UQCRQ: variants seen among roughly 807,000 people sequenced by gnomAD.
UQCRQ encodes the protein cytochrome b-c1 complex subunit 8.
Under a neutral mutation model 7.9 loss-of-function variants are expected in UQCRQ, and 9 were observed. The ratio of observed to expected loss-of-function variants is 1.13; its 90% CI spans 0.68 to 1.98. The LOEUF is 1.98. Among genes scored for constraint, UQCRQ ranks in the 30% most tolerant of loss-of-function variants. The pLI, the probability that UQCRQ is intolerant of heterozygous loss-of-function variation, is 0.00. For synonymous variants in UQCRQ, 50 were observed against 41.9 expected (o/e 1.19, Z -0.75); for missense variants, 112 against 109.7 (o/e 1.02, Z -0.10).
At chr5:132,867,261 C>T (rs1436417580) in intron 2 of UQCRQ, 2 of 720,304 alleles carry the variant, frequency 2.8e-6, no homozygotes, top group Non-Finnish European at 4.5e-6. Flanking sequence ...CAAGGTCACT[C>T]GGGTGATTCC....
rs936404583 is a variant in UQCRQ, at chr5:132,866,808, C to T, written c.-13-61C>T. 4.1e-5 allele frequency: 65 copies of T among 1,592,472 alleles called. 1 individual carries two copies. In the African/African-American group the frequency reaches 7.5e-4, roughly 18 times the overall value. On this transcript the variant is annotated intron_variant, in intron 1 of 2. Transcript: ENST00000378670. ...GAGTCTGGGGTTGGGGATGGACCCCCGCGGGGACTGCGGCGCTTCGCGAAA... is the reference window on the plus strand; with the variant it reads ...GAGTCTGGGGTTGGGGATGGACCCCTGCGGGGACTGCGGCGCTTCGCGAAA...
At chr5:132,867,097 G>A in intron 2 of UQCRQ, 62 bp downstream of exon 2, 6 of 1,604,974 alleles carry the variant, frequency 3.7e-6, no homozygotes, top group Non-Finnish European at 5.1e-6. Context: ...CAGTCACTGC[G>A]CCTCCCCTCT....
Position 132,866,891 on chromosome 5 carries a change from G to A in UQCRQ, c.10G>A (p.Glu4Lys), listed in dbSNP as rs137995316. The stretch of plus-strand genomic sequence containing the variant: ...CAGGGCCGCCGCCACAATGGGCCGC[G>A]AGTTTGGGAATCTGACGCGGATGCG... MGR[E>K]FGNLTRMRHV... Residue 4 changes from glutamate to lysine, a missense_variant, in exon 2 of 3, where the codon GAG (glutamate) becomes AAG (lysine). By Grantham distance (56) the Glu-to-Lys change is moderately conservative. Transcript: ENST00000378670. 3.6e-4 allele frequency: 582 copies of A among 1,613,848 alleles called. 3 individuals are homozygous for A. In the African/African-American group the frequency reaches 6.9e-3, roughly 19 times the overall value.
At position 132,867,914 on chromosome 5, in the gene UQCRQ, G is replaced by A. The variant is rs182167836; in HGVS notation, c.*332G>A. On this transcript the variant is annotated 3_prime_UTR_variant, in exon 3 of 3. Coordinates refer to ENST00000378670, the MANE Select transcript of UQCRQ (RefSeq NM_014402.5). ...GGGCTATGGCGAGTGCTGGTTCTTG[G>A]CCCTCTGCTCCCATAGCAACAATAA... The A allele has an allele frequency of 1.1e-3, 417 of 376,688 alleles. 1 individual carries two copies. Among genetic ancestry groups the A allele is most frequent in the Admixed American group, 3.6e-3 (96 of 26,442 alleles). 23.3% of individuals were successfully genotyped at this position (376,688 alleles called of 1,614,324 possible).
chr5:132,867,048 G>C lies in UQCRQ; in HGVS notation c.154+13G>C. The C allele has an allele frequency of 1.2e-6, 2 of 1,613,504 alleles. No individual in the cohort carries two copies. Among genetic ancestry groups the C allele is most frequent in the Non-Finnish European group, 8.5e-7 (1 of 1,179,770 alleles). Reference sequence around the variant, plus strand: ...CGCGTGGTGCCGCGTGAGTGCCTTGGGCCCGCGGGAGCGGGAGGCTGGACC... The same window carrying C: ...CGCGTGGTGCCGCGTGAGTGCCTTGCGCCCGCGGGAGCGGGAGGCTGGACC... On this transcript the variant is annotated intron_variant, in intron 2 of 2. Coordinates refer to ENST00000378670, the MANE Select transcript of UQCRQ (RefSeq NM_014402.5).
Position 132,867,036 on chromosome 5 carries a change from G to GT in UQCRQ, c.154+2dup. On this transcript the variant is annotated splice_donor_variant, in intron 2 of 2. Transcript: ENST00000378670. LOFTEE classifies it high-confidence loss of function. ...GAGTCTTTCTTTCGCGTGGTGCCGC[G>GT]TGAGTGCCTTGGGCCCGCGGGAGCG... The GT allele has an allele frequency of 3.1e-6, 5 of 1,613,772 alleles. No individual in the cohort carries two copies. The highest frequency in any genetic ancestry group is 4.2e-6 in the Non-Finnish European group (5 of 1,179,892).
At chr5:132,867,361 C>G in intron 2 of UQCRQ, 127 bp from the exon 3 acceptor site, 1 of 791,618 alleles carries the variant, frequency 1.3e-6, no homozygotes, top group Non-Finnish European at 2.1e-6. Flanking sequence ...ATGATAGTTG[C>G]ATGGCCTTGG....
Position 132,866,683 on chromosome 5 carries a change from G to A in UQCRQ, c.-18G>A, listed in dbSNP as rs527907338. 38 of 652,326 alleles carry A rather than the reference G, an allele frequency of 5.8e-5. No individual in the cohort carries two copies. The highest frequency in any genetic ancestry group is 2.5e-4 in the East Asian group (9 of 36,342). 40.4% of individuals were successfully genotyped at this position (652,326 alleles called of 1,614,324 possible). On this transcript the variant is annotated 5_prime_UTR_variant, in exon 1 of 3. Transcript: ENST00000378670. ...TCGGTGACTGTGGAGGGCGAGCTGA[G>A]CCCTGTGCGTGAGTGGGGTCTGGTT...
rs749663767 is a variant in UQCRQ at position 132,868,608 on chromosome 5, C to G, written c.*1026C>G. Among the ~76,000 whole-genome samples, 20 of 152,150 alleles carry G rather than the reference C, an allele frequency of 1.3e-4. No individual in the cohort carries two copies. The highest frequency in any genetic ancestry group is 2.4e-4 in the Non-Finnish European group (16 of 68,014). ...TTGTTGGGTCGGATTCAAAGCCATC[C>G]TGGGCTGCTTGCTGCCCAGGACTGC... On this transcript the variant is annotated 3_prime_UTR_variant, in exon 3 of 3. Transcript: ENST00000378670.
Position 132,868,356 on chromosome 5 carries a change from A to T in UQCRQ, c.*774A>T, listed in dbSNP as rs915236617. On this transcript the variant is annotated 3_prime_UTR_variant, in exon 3 of 3. Transcript: ENST00000378670. Reference sequence around the variant, plus strand: ...CCTTTAACGTATCCTCATTTGGCAGATGAGGAAATGGGCACAGAGAGATTA... The same window carrying T: ...CCTTTAACGTATCCTCATTTGGCAGTTGAGGAAATGGGCACAGAGAGATTA... Among the ~76,000 whole-genome samples the T allele has an allele frequency of 6.6e-6, 1 of 152,232 alleles. No individual in the cohort carries two copies. The highest frequency in any genetic ancestry group is 1.5e-5 in the Non-Finnish European group (1 of 68,054).
At chr5:132,867,424 A>C in intron 2 of UQCRQ, 64 bp from the exon 3 acceptor site, 1 of 1,315,718 alleles carries the variant, frequency 7.6e-7, no homozygotes, top group Non-Finnish European at 1.1e-6. Context: ...GAGGACTGAG[A>C]CCTTTTTTTT....
chr5:132,867,095 G>T (rs1446005498), intron 2 of UQCRQ, 60 bp downstream of exon 2: 7 of 1,606,448 alleles, frequency 4.4e-6, no homozygotes, highest in Non-Finnish European at 5.1e-6. Context: ...AGCAGTCACT[G>T]CGCCTCCCCT....
rs1360408778 is a variant in UQCRQ, at chr5:132,868,403, C to T, written c.*821C>T. Among the ~76,000 whole-genome samples the T allele has an allele frequency of 2.0e-5, 3 of 152,216 alleles. No individual in the cohort carries two copies. On this transcript the variant is annotated 3_prime_UTR_variant, in exon 3 of 3. Transcript: ENST00000378670. ...ATTAAGTAATTTGCCAGAAATTATA[C>T]AGCAGTGAATGGTGGAGTCTTGCAC...
In UQCRQ at chr5:132,867,711, G is replaced by A; in HGVS notation, c.*129G>A. On this transcript the variant is annotated 3_prime_UTR_variant, in exon 3 of 3. Coordinates refer to ENST00000378670, the MANE Select transcript of UQCRQ (RefSeq NM_014402.5). ...CACTGTTGTGATATTACATTTTTGT[G>A]AGTAGAATCCTGTGTGACCACTAAT... 1.3e-6 allele frequency: 1 copy of A among 781,272 alleles called. No homozygotes were observed. Among genetic ancestry groups the A allele is most frequent in the East Asian group, 2.7e-5 (1 of 37,098 alleles). 48.4% of individuals were successfully genotyped at this position (781,272 alleles called of 1,614,324 possible). A position where few individuals can be genotyped will look rare whatever the true frequency, so the allele number is the denominator to read the frequency against.
rs17166297 is a variant in UQCRQ, at chr5:132,868,305, A to C, written c.*723A>C. 6.6e-6 allele frequency among the ~76,000 whole-genome samples: 1 copy of C among 152,138 alleles called. No individual in the cohort carries two copies. The highest frequency in any genetic ancestry group is 2.4e-5 in the African/African-American group (1 of 41,412). On this transcript the variant is annotated 3_prime_UTR_variant, in exon 3 of 3. Transcript: ENST00000378670. Reference sequence around the variant, plus strand: ...CCTCAAATACTCTTCTTAGCTACACAAATGAACTGTTAAACCTCACAAGCA... The same window carrying C: ...CCTCAAATACTCTTCTTAGCTACACCAATGAACTGTTAAACCTCACAAGCA...
chr5:132,866,941 A>T lies in UQCRQ; in HGVS notation c.60A>T (p.Ser20=), dbSNP rs754792882. 2 of 1,613,958 alleles carry T rather than the reference A, an allele frequency of 1.2e-6. No homozygotes were observed. Among genetic ancestry groups the T allele is most frequent in the African/African-American group, 2.7e-5 (2 of 74,940 alleles). ...GGCATGTGATCAGCTACAGCTTGTCACCGTTCGAGCAGCGCGCCTATCCGC... is the reference window on the plus strand; with the variant it reads ...GGCATGTGATCAGCTACAGCTTGTCTCCGTTCGAGCAGCGCGCCTATCCGC... ...RMRHVISYSL[S]PFEQRAYPHV... The change falls in exon 2 of 3, where the codon TCA becomes TCT. Residue 20 remains serine, a synonymous_variant. Transcript: ENST00000378670.
At position 132,866,704 on chromosome 5, in the gene UQCRQ, T is replaced by C; in HGVS notation, c.-14+17T>C. The C allele has an allele frequency of 1.4e-6, 1 of 728,362 alleles. No individual in the cohort carries two copies. The highest frequency in any genetic ancestry group is 2.2e-6 in the Non-Finnish European group (1 of 446,956). 45.1% of individuals were successfully genotyped at this position (728,362 alleles called of 1,614,324 possible). On this transcript the variant is annotated intron_variant, in intron 1 of 2. Coordinates refer to ENST00000378670, the MANE Select transcript of UQCRQ (RefSeq NM_014402.5). Reference sequence around the variant, plus strand: ...CTGAGCCCTGTGCGTGAGTGGGGTCTGGTTGTGCAGTGTTCGTGGACCCTG... The same window carrying C: ...CTGAGCCCTGTGCGTGAGTGGGGTCCGGTTGTGCAGTGTTCGTGGACCCTG...
Position 132,868,015 on chromosome 5 carries a change from C to G in UQCRQ, c.*433C>G, listed in dbSNP as rs1759686319. The G allele has an allele frequency of 4.4e-6, 1 of 224,812 alleles. No individual in the cohort carries two copies. Among genetic ancestry groups the G allele is most frequent in the Non-Finnish European group, 9.0e-6 (1 of 110,528 alleles). The allele number at this position is 224,812 out of a possible 1,614,324, so 13.9% of individuals were successfully genotyped here. On this transcript the variant is annotated 3_prime_UTR_variant, in exon 3 of 3. Coordinates refer to ENST00000378670, the MANE Select transcript of UQCRQ (RefSeq NM_014402.5). ...TTATTTTTTGAGATGGAGTCTTGCT[C>G]TCTCACCCAGGCTGGAGTGCAGTGG...
Position 132,866,791 on chromosome 5 carries a change from G to A in UQCRQ, c.-13-78G>A. On this transcript the variant is annotated intron_variant, in intron 1 of 2. Coordinates refer to ENST00000378670, the MANE Select transcript of UQCRQ (RefSeq NM_014402.5). ...AAGGAGTGCAGGGGCAGGAGTCTGGGGTTGGGGATGGACCCCCGCGGGGAC... is the reference window on the plus strand; with the variant it reads ...AAGGAGTGCAGGGGCAGGAGTCTGGAGTTGGGGATGGACCCCCGCGGGGAC... 3 of 1,560,938 alleles carry A rather than the reference G, an allele frequency of 1.9e-6. No homozygotes were observed. The South Asian group carries it at 3.4e-5, about 18-fold the overall frequency.
Sources: allele counts gnomAD v4.1 joint callset (sites outside exome capture counted in the v4.1 genomes callset), GRCh38; gene constraint gnomAD v4.1.1; transcripts MANE v1.5; gene names NCBI Gene and HGNC (gene_info 2026-07-23, HGNC 2026-07-21).